The following NPHP4 variants were observed in gnomAD, a reference collection of about 807,000 sequenced individuals.
NPHP4 encodes the protein nephrocystin-4.
A neutral mutation model predicts 155.8 loss-of-function variants in NPHP4; 151 were observed. The ratio of observed to expected loss-of-function variants is 0.97; its 90% confidence interval spans 0.85 to 1.11. NPHP4 has a LOEUF of 1.11. Ranked by LOEUF, NPHP4 falls within the 50% of genes least tolerant of loss-of-function variation. The pLI is 0.00. For missense variants in NPHP4, 1,956 were observed against 1,925.7 expected, an observed-to-expected ratio of 1.02 and a Z score of -0.29; for synonymous variants, 845 against 816.8, an observed-to-expected ratio of 1.03 and a Z score of -0.59.
At chr1:5,911,400 T>C (rs1645172567) in intron 11 of NPHP4, among the ~76,000 whole-genome samples, 1 of 152,204 alleles carries the variant, frequency 6.6e-6, no homozygotes, top group Non-Finnish European at 1.5e-5. Flanking sequence ...TTGCCAGAAA[T>C]GGCTCCATTA....
chr1:5,876,980 C>G lies in NPHP4; in HGVS notation c.2817+113G>C, dbSNP rs532976308. ...GTCCGATTTTCTTATATTCTGTCCC[C>G]AGGATTTGGGAGGAAGGTAAGAGAG... On this transcript the variant is annotated intron_variant, in intron 20 of 29. Coordinates refer to ENST00000378156, the MANE Select transcript of NPHP4 (RefSeq NM_015102.5). The G allele has an allele frequency of 7.6e-5, 56 of 741,228 alleles. No individual in the cohort carries two copies. The African/African-American group carries it at 9.8e-4, about 13-fold the overall frequency. The allele number at this position is 741,228 out of a possible 1,614,324, so 45.9% of individuals were successfully genotyped here. A position where few individuals can be genotyped will look rare whatever the true frequency, so the allele number is the denominator to read the frequency against.
intron 7 of NPHP4, among the ~76,000 whole-genome samples, 170 bp from the exon 8 acceptor site, chr1:5,948,421 C>A (rs1225963777): frequency 6.6e-6 from 1 of 152,226 alleles, no homozygotes; most frequent in African/African-American, 2.4e-5. Context: ...AGATACAGCA[C>A]CCAATCCCAG....
chr1:5,868,733 A>G (rs1021695845), intron 23 of NPHP4, among the ~76,000 whole-genome samples: 10 of 100,520 alleles, frequency 9.9e-5, no homozygotes, highest in Non-Finnish European at 1.6e-4. Context: ...GCACGCCCAC[A>G]TGCATGCACC....
At chr1:5,977,254 C>T (rs1040417743) in intron 3 of NPHP4, among the ~76,000 whole-genome samples, 6 of 152,054 alleles carry the variant, frequency 3.9e-5, no homozygotes, top group African/African-American at 9.7e-5. Context: ...GAAGGCACGA[C>T]GGGGCCACCC....
intron 16 of NPHP4, 30 bp downstream of exon 16, chr1:5,904,587 C>A: frequency 1.9e-6 from 3 of 1,548,678 alleles, no homozygotes; most frequent in Non-Finnish European, 2.6e-6. Context: ...TACAGAATGT[C>A]TTGCCTTTGC....
intron 11 of NPHP4, among the ~76,000 whole-genome samples, chr1:5,926,452 T>G (rs1646008608): frequency 6.6e-6 from 1 of 152,192 alleles, no homozygotes; most frequent in Non-Finnish European, 1.5e-5. Flanking sequence ...TCAACCAGAC[T>G]TGGGCTGAAA....
rs574819130 is a variant in NPHP4 at position 5,865,343 on chromosome 1, G to A, written c.3645-70C>T. On this transcript the variant is annotated intron_variant, in intron 26 of 29. Transcript: ENST00000378156. ...GCACCGGCCCACGAGAGGCCAACAAGGGCTGCCAGGAGCGTGGGCAGACAG... is the reference window on the plus strand; with the variant it reads ...GCACCGGCCCACGAGAGGCCAACAAAGGCTGCCAGGAGCGTGGGCAGACAG... The A allele has an allele frequency of 3.4e-5, 46 of 1,367,918 alleles. No individual in the cohort carries two copies. The African/African-American group carries it at 5.2e-4, about 15-fold the overall frequency. 84.7% of individuals were successfully genotyped at this position (1,367,918 alleles called of 1,614,324 possible).
intron 11 of NPHP4, 93 bp downstream of exon 11, chr1:5,927,556 G>A: frequency 7.6e-7 from 1 of 1,308,412 alleles, no homozygotes; most frequent in African/African-American, 1.5e-5. Flanking sequence ...CAAATGTGGT[G>A]ATTACCGTAC....
chr1:5,958,627 G>A (rs549163820), intron 6 of NPHP4, among the ~76,000 whole-genome samples: 1 of 151,890 alleles, frequency 6.6e-6, no homozygotes, highest in South Asian at 2.1e-4. Context: ...CCCGGAAGGC[G>A]GAGGTTGTAG....
rs549028141 is a variant in NPHP4, at chr1:5,968,877, T to C, written c.452+210A>G. 2.2e-4 allele frequency among the ~76,000 whole-genome samples: 33 copies of C among 151,848 alleles called. No individual in the cohort carries two copies. The South Asian group carries it at 6.7e-3, about 31-fold the overall frequency. ...GGCAAAACCCCGTCTCTACTAAAAA[T>C]ACAAAAATCAGCTGGGCGTGGCACC... On this transcript the variant is annotated intron_variant, in intron 4 of 29. Transcript: ENST00000378156.
intron 23 of NPHP4, among the ~76,000 whole-genome samples, chr1:5,870,298 G>A (rs1018110189): frequency 3.9e-5 from 6 of 152,180 alleles, no homozygotes; most frequent in South Asian, 2.1e-4. Flanking sequence ...GTCAGGGCAC[G>A]AATATGAGCA....
At chr1:5,872,923 G>C (rs1199101003) in intron 23 of NPHP4, among the ~76,000 whole-genome samples, 1 of 152,202 alleles carries the variant, frequency 6.6e-6, no homozygotes, top group Non-Finnish European at 1.5e-5. Context: ...CACACACCAG[G>C]GAATGCTCTG....
chr1:5,895,248 G>A (rs1473134252), intron 16 of NPHP4, among the ~76,000 whole-genome samples: 1 of 152,024 alleles, frequency 6.6e-6, no homozygotes, highest in Non-Finnish European at 1.5e-5. Flanking sequence ...TGAGTTAATG[G>A]GTGCAGCACA....
intron 23 of NPHP4, among the ~76,000 whole-genome samples, chr1:5,870,297 C>T (rs766462619): frequency 2.6e-5 from 4 of 151,602 alleles, no homozygotes; most frequent in Non-Finnish European, 5.9e-5. Context: ...AGTCAGGGCA[C>T]GAATATGAGC....
At chr1:5,884,263 C>T (rs1052616410) in intron 18 of NPHP4, among the ~76,000 whole-genome samples, 1 of 152,178 alleles carries the variant, frequency 6.6e-6, no homozygotes, top group Non-Finnish European at 1.5e-5. Flanking sequence ...CCCGCCACCG[C>T]CAACCGTGTG....
chr1:5,983,289 G>C (rs1415096979), intron 2 of NPHP4, among the ~76,000 whole-genome samples: 1 of 152,112 alleles, frequency 6.6e-6, no homozygotes, highest in African/African-American at 2.4e-5. Context: ...GTTATGCTTT[G>C]AAAGACCAGC....
intron 23 of NPHP4, chr1:5,868,143 G>A: frequency 6.3e-6 from 4 of 634,944 alleles, no homozygotes; most frequent in Non-Finnish European, 1.2e-5. Flanking sequence ...CAGCCACACT[G>A]CCATTATTCC....
At chr1:5,939,441 C>T (rs1276058188) in intron 9 of NPHP4, among the ~76,000 whole-genome samples, 1 of 151,928 alleles carries the variant, frequency 6.6e-6, no homozygotes, top group African/African-American at 2.4e-5. Flanking sequence ...TGGGCCCCAG[C>T]GGCTGGCATG....
chr1:5,958,274 A>G (rs1157063784), intron 6 of NPHP4, among the ~76,000 whole-genome samples: 3 of 152,240 alleles, frequency 2.0e-5, no homozygotes, highest in Non-Finnish European at 4.4e-5. Flanking sequence ...GGCCAGGCAC[A>G]GTGGCGCATG....
Sources: gnomAD v4.1 joint callset for allele counts (sites outside exome capture counted in the v4.1 genomes callset) on GRCh38, gnomAD v4.1.1 for gene constraint, MANE v1.5 for transcripts, NCBI Gene and HGNC (gene_info 2026-07-23, HGNC 2026-07-21) for gene names.